The following SEMA3C variants were observed in gnomAD, a reference collection of about 807,000 sequenced individuals.
SEMA3C encodes semaphorin-3C.
SEMA3C carries 47 observed loss-of-function variants against 89.4 expected under a neutral mutation model. The ratio of observed to expected loss-of-function variants is 0.53; its 90% confidence interval spans 0.42 to 0.67. The LOEUF (loss-of-function observed/expected upper bound fraction) is 0.67, where lower values mean the gene tolerates loss of function less well. SEMA3C is among the 30% of genes least tolerant of loss of function. The probability of loss-of-function intolerance (pLI) is 0.00; values close to 1 mark genes in which losing one functional copy is unlikely to be tolerated. For synonymous variants in SEMA3C, 310 were observed against 320.2 expected (o/e 0.97, Z 0.34); for missense variants, 839 against 929.1 (o/e 0.90, Z 1.26).
At chr7:80,802,813 TTAAG>T in intron 8 of SEMA3C, 34 bp from the exon 9 acceptor site, 2 of 1,502,354 alleles carry the variant, frequency 1.3e-6, no homozygotes, top group Non-Finnish European at 1.8e-6. Flanking sequence ...TTCAGATTGC[TTAAG>T]TAAATATTGA....
rs754773815 is a variant in SEMA3C at position 80,804,182 on chromosome 7, A to T, written c.725T>A (p.Phe242Tyr). ...GTDPNDAKVY[F>Y]FFKEKLTDNN... ...GTCAGTCAGTTTTTCTTTGAAGAAG[A>T]AGTACACCTTAGCATCATTTGGATC... The change falls in exon 8 of 18, where the codon TTC (phenylalanine) becomes TAC (tyrosine). Residue 242 changes from phenylalanine (F) to tyrosine (Y), a missense_variant. Coordinates refer to ENST00000265361, the MANE Select transcript of SEMA3C (RefSeq NM_006379.5). The T allele has an allele frequency of 2.8e-5, 45 of 1,612,964 alleles. No homozygotes were observed. The highest frequency in any genetic ancestry group is 5.0e-5 in the Admixed American group (3 of 59,942).
intron 2 of SEMA3C, among the ~76,000 whole-genome samples, chr7:80,904,436 T>G (rs1312530854): frequency 6.6e-6 from 1 of 152,240 alleles, no homozygotes; most frequent in Admixed American, 6.5e-5. Flanking sequence ...TTCTAAATCA[T>G]GGCTTTGAAA....
chr7:80,812,381 C>G (rs1189992781), intron 5 of SEMA3C, among the ~76,000 whole-genome samples: 4 of 152,218 alleles, frequency 2.6e-5, no homozygotes, highest in Non-Finnish European at 5.9e-5. Context: ...TGAATTCAGT[C>G]TCCTGACTCC....
At chr7:80,874,586 C>T (rs1791154432) in intron 2 of SEMA3C, among the ~76,000 whole-genome samples, 1 of 151,910 alleles carries the variant, frequency 6.6e-6, no homozygotes, top group Non-Finnish European at 1.5e-5. Flanking sequence ...CCTGCCTCAG[C>T]CTCCCAAGTA....
intron 2 of SEMA3C, among the ~76,000 whole-genome samples, chr7:80,914,511 T>C (rs898476923): frequency 2.0e-5 from 3 of 152,148 alleles, no homozygotes; most frequent in Non-Finnish European, 2.9e-5. Context: ...ATGTAGTTCA[T>C]TGTAGGAATG....
chr7:80,849,474 A>C (rs1381909908), intron 2 of SEMA3C, among the ~76,000 whole-genome samples: 1 of 152,182 alleles, frequency 6.6e-6, no homozygotes, highest in Non-Finnish European at 1.5e-5. Flanking sequence ...ATGCATACAA[A>C]TGTATATGCA....
chr7:80,744,788 T>C lies in SEMA3C; in HGVS notation c.*106A>G. The stretch of plus-strand genomic sequence containing the variant: ...AAAACTCACTTCAGGAGTAATCACC[T>C]TTTTCAGTAATTCCCCTTGGTAAAG... On this transcript the variant is annotated 3_prime_UTR_variant, in exon 18 of 18. Transcript: ENST00000265361. 2 of 1,301,270 alleles carry C rather than the reference T, an allele frequency of 1.5e-6. No homozygotes were observed. The highest frequency in any genetic ancestry group is 2.2e-6 in the Non-Finnish European group (2 of 913,492). The allele number at this position is 1,301,270 out of a possible 1,614,324, so 80.6% of individuals were successfully genotyped here. A position where few individuals can be genotyped will look rare whatever the true frequency, so the allele number is the denominator to read the frequency against.
chr7:80,756,446 C>G (rs929811930), intron 15 of SEMA3C, among the ~76,000 whole-genome samples: 1 of 152,158 alleles, frequency 6.6e-6, no homozygotes, highest in African/African-American at 2.4e-5. Flanking sequence ...TGCCTCCAAC[C>G]TCTTCCTACC....
In SEMA3C at chr7:80,754,957, G is replaced by GTTTTTTTTTTGTTT. The variant is rs1449995090; in HGVS notation, c.1643+3373_1643+3374insAAACAAAAAAAAAA. Among the ~76,000 whole-genome samples the GTTTTTTTTTTGTTT allele has an allele frequency of 7.5e-4, 81 of 108,310 alleles. 1 individual carries two copies. The highest frequency in any genetic ancestry group is 5.0e-3 in the Middle Eastern group (1 of 200). The allele number at this position is 108,310 out of a possible 152,430, so 71.1% of individuals were successfully genotyped here. The stretch of plus-strand genomic sequence containing the variant: ...CATGCCTGGCGAATTGTTTTTTTTT[G>GTTTTTTTTTTGTTT]TTTTTTTTTTTTTTGTATTTTTAGT... On this transcript the variant is annotated intron_variant, in intron 15 of 17. Transcript: ENST00000265361.
intron 2 of SEMA3C, among the ~76,000 whole-genome samples, chr7:80,849,156 A>C (rs1347060827): frequency 6.6e-6 from 1 of 152,180 alleles, no homozygotes; most frequent in Non-Finnish European, 1.5e-5. Context: ...TGAGTGGATA[A>C]TTGCTTAATC....
intron 2 of SEMA3C, among the ~76,000 whole-genome samples, chr7:80,908,162 T>G (rs2116226937): frequency 6.6e-6 from 1 of 152,282 alleles, no homozygotes; most frequent in Non-Finnish European, 1.5e-5. Context: ...TAAAATAAAC[T>G]GTGATCACAT....
intron 11 of SEMA3C, chr7:80,793,454 CAAG>C (rs1189842009): frequency 2.2e-6 from 1 of 449,550 alleles, no homozygotes; most frequent in Non-Finnish European, 4.4e-6. Flanking sequence ...GTAGGGGACA[CAAG>C]AATAAAAAAT....
chr7:80,852,009 C>T (rs1039458369), intron 2 of SEMA3C, among the ~76,000 whole-genome samples: 3 of 152,002 alleles, frequency 2.0e-5, no homozygotes, highest in Admixed American at 2.0e-4. Context: ...CTTCTGAAAC[C>T]CTTGATCTTC....
At chr7:80,867,901 G>C (rs1171990951) in intron 2 of SEMA3C, among the ~76,000 whole-genome samples, 1 of 152,180 alleles carries the variant, frequency 6.6e-6, no homozygotes, top group Non-Finnish European at 1.5e-5. Context: ...GATAGGGCAT[G>C]ACAAAGACAG....
At chr7:80,801,730 T>TA (rs3840549) in intron 9 of SEMA3C, among the ~76,000 whole-genome samples, 73 of 146,750 alleles carry the variant, frequency 5.0e-4, no homozygotes, top group Non-Finnish European at 4.2e-4. Context: ...TAGCTCTCCC[T>TA]AAAAAAAAAA....
At chr7:80,759,009 C>T (rs1788128234) in intron 14 of SEMA3C, among the ~76,000 whole-genome samples, 1 of 152,112 alleles carries the variant, frequency 6.6e-6, no homozygotes, top group South Asian at 2.1e-4. Flanking sequence ...TTGCATGTTA[C>T]TCATTAAAAC....
intron 2 of SEMA3C, among the ~76,000 whole-genome samples, chr7:80,856,660 C>A (rs17154557): frequency 0.14 from 20,813 of 148,374 alleles, 2,356 homozygotes; most frequent in African/African-American, 0.31. Flanking sequence ...CGAATATAAA[C>A]TCTTTTCTGG....
intron 4 of SEMA3C, among the ~76,000 whole-genome samples, chr7:80,823,954 T>A (rs935898083): frequency 4.6e-5 from 7 of 152,112 alleles, no homozygotes; most frequent in Non-Finnish European, 1.0e-4. Flanking sequence ...TATATTCTTT[T>A]TAGCCAAGGC....
At chr7:80,781,434 C>T (rs1005142783) in intron 12 of SEMA3C, among the ~76,000 whole-genome samples, 14 of 152,198 alleles carry the variant, frequency 9.2e-5, no homozygotes, top group African/African-American at 3.4e-4. Flanking sequence ...TCTTTTCATT[C>T]CAACTTAAAC....
Sources: gnomAD v4.1 joint callset for allele counts (sites outside exome capture counted in the v4.1 genomes callset) on GRCh38, gnomAD v4.1.1 for gene constraint, MANE v1.5 for transcripts, NCBI Gene and HGNC (gene_info 2026-07-23, HGNC 2026-07-21) for gene names.